Variants in FHIT observed in about 807,000 individuals in gnomAD.
FHIT encodes the protein fragile histidine triad diadenosine triphosphatase, also known as bis(5'-adenosyl)-triphosphatase.
In FHIT, 19 loss-of-function variants were observed where a neutral mutation model predicts 17.9. The ratio of observed to expected loss-of-function variants is 1.06; its 90% CI spans 0.74 to 1.56. The LOEUF is 1.56. FHIT is among the 40% of genes most tolerant of loss of function. The pLI is 0.00. For missense variants in FHIT, 248 were observed against 189.2 expected, an observed-to-expected ratio of 1.31 and a Z score of -1.82; for synonymous variants, 81 against 69.7, an observed-to-expected ratio of 1.16 and a Z score of -0.81.
intron 8 of FHIT, among the ~76,000 whole-genome samples, chr3:59,858,292 T>C (rs527972557): frequency 7.0e-6 from 1 of 143,636 alleles, no homozygotes; most frequent in East Asian, 2.1e-4. Flanking sequence ...AGTGGAGCGA[T>C]CTCGGCTCAC....
chr3:60,755,563 C>T lies in FHIT; in HGVS notation c.-18+66356G>A, dbSNP rs139183347. Among the ~76,000 whole-genome samples the T allele has an allele frequency of 2.6e-4, 39 of 152,250 alleles. No individual in the cohort carries two copies. The East Asian group carries it at 6.4e-3, about 25-fold the overall frequency. On this transcript the variant is annotated intron_variant, in intron 4 of 9. Transcript: ENST00000492590. ...TGACTGATAAATGACAAGCTTGTGC[C>T]ATTTATCAGCAAGTGTTTGCTATTT...
intron 8 of FHIT, among the ~76,000 whole-genome samples, chr3:59,859,246 T>A (rs1361738436): frequency 3.3e-5 from 5 of 152,158 alleles, no homozygotes; most frequent in Non-Finnish European, 7.3e-5. Flanking sequence ...TCTGATGTGA[T>A]ATGCTGAGAA....
At chr3:59,807,779 G>A (rs572475458) in intron 8 of FHIT, among the ~76,000 whole-genome samples, 17 of 152,184 alleles carry the variant, frequency 1.1e-4, no homozygotes, top group African/African-American at 3.4e-4. Flanking sequence ...GTGGGGGTGC[G>A]TGATGGTTTC....
At chr3:60,421,426 A>G (rs1408933053) in intron 5 of FHIT, among the ~76,000 whole-genome samples, 1 of 152,134 alleles carries the variant, frequency 6.6e-6, no homozygotes, top group Non-Finnish European at 1.5e-5. Context: ...AATAGCACAG[A>G]TGTTTTCAGA....
At chr3:60,601,852 A>G (rs1442756402) in intron 4 of FHIT, among the ~76,000 whole-genome samples, 1 of 152,218 alleles carries the variant, frequency 6.6e-6, no homozygotes, top group African/African-American at 2.4e-5. Context: ...TTTGAAAAGG[A>G]AATTCCAGAG....
chr3:60,522,925 G>T (rs1164380118), intron 5 of FHIT, among the ~76,000 whole-genome samples: 1 of 152,132 alleles, frequency 6.6e-6, no homozygotes, highest in Non-Finnish European at 1.5e-5. Context: ...AAGAAAAAGA[G>T]GTTTAATAGA....
chr3:61,218,826 T>C (rs2039756978), intron 1 of FHIT, among the ~76,000 whole-genome samples: 1 of 152,348 alleles, frequency 6.6e-6, no homozygotes, highest in South Asian at 2.1e-4. Flanking sequence ...ATAAAATGTA[T>C]GGCCTTTATT....
intron 5 of FHIT, among the ~76,000 whole-genome samples, chr3:60,524,485 A>C (rs890292740): frequency 6.6e-6 from 1 of 152,158 alleles, no homozygotes; most frequent in African/African-American, 2.4e-5. Flanking sequence ...AATGTTAAAC[A>C]AACAACAAGG....
chr3:60,873,810 G>A (rs1553755654), intron 3 of FHIT, among the ~76,000 whole-genome samples: 1 of 152,148 alleles, frequency 6.6e-6, no homozygotes, highest in African/African-American at 2.4e-5. Flanking sequence ...ATTTCAGAGA[G>A]TATGTTTCAA....
intron 4 of FHIT, among the ~76,000 whole-genome samples, chr3:60,682,525 C>G (rs561421682): frequency 1.3e-5 from 2 of 152,166 alleles, no homozygotes; most frequent in Non-Finnish European, 2.9e-5. Flanking sequence ...AACAGGAAAG[C>G]CTAGATGACA....
chr3:60,340,293 C>T lies in FHIT; in HGVS notation c.103+196567G>A, dbSNP rs113799321. On this transcript the variant is annotated intron_variant, in intron 5 of 9. Coordinates refer to ENST00000492590, the MANE Select transcript of FHIT (RefSeq NM_002012.4). ...GTCACATTTTTATATAAATAGGAAG[C>T]GAGAAGAAAAACATATGGCTTTCTT... is the stretch of plus-strand genomic sequence containing the variant. 5.1e-3 allele frequency among the ~76,000 whole-genome samples: 775 copies of T among 152,158 alleles called. 7 individuals are homozygous for T. The highest frequency in any genetic ancestry group is 0.017 in the African/African-American group (714 of 41,526).
intron 1 of FHIT, among the ~76,000 whole-genome samples, chr3:61,221,323 G>A (rs907658552): frequency 1.3e-5 from 2 of 152,214 alleles, no homozygotes; most frequent in East Asian, 3.8e-4. Flanking sequence ...CAATAGCACA[G>A]GTCCTCTCCC....
chr3:61,026,279 G>A lies in FHIT; in HGVS notation c.-111+15768C>T, dbSNP rs1049071317. On this transcript the variant is annotated intron_variant, in intron 3 of 9. Coordinates refer to ENST00000492590, the MANE Select transcript of FHIT (RefSeq NM_002012.4). Reference sequence around the variant, plus strand: ...CCTCTCATTTCTGCTTTCCTTAGCAGAAGCCAAGAGTGTTTGGGGGGCCTA... The same window carrying A: ...CCTCTCATTTCTGCTTTCCTTAGCAAAAGCCAAGAGTGTTTGGGGGGCCTA... Among the ~76,000 whole-genome samples the A allele has an allele frequency of 6.6e-5, 10 of 152,116 alleles. No individual in the cohort carries two copies. In the South Asian group the frequency reaches 8.3e-4, roughly 13 times the overall value.
chr3:59,925,101 C>G (rs1192516024), intron 7 of FHIT, among the ~76,000 whole-genome samples: 1 of 149,098 alleles, frequency 6.7e-6, no homozygotes, highest in Non-Finnish European at 1.5e-5. Context: ...TTTTTCCCTT[C>G]CTTTCCTTCT....
intron 5 of FHIT, among the ~76,000 whole-genome samples, chr3:60,232,395 C>G (rs1375702460): frequency 1.3e-5 from 2 of 152,116 alleles, no homozygotes; most frequent in East Asian, 1.9e-4. Context: ...ATTATCTTAT[C>G]CCCCTTAACA....
At chr3:60,584,758 C>T (rs1480146326) in intron 4 of FHIT, among the ~76,000 whole-genome samples, 1 of 152,038 alleles carries the variant, frequency 6.6e-6, no homozygotes, top group Admixed American at 6.6e-5. Context: ...ACTTCTGCAT[C>T]ATGCTAATTA....
intron 3 of FHIT, among the ~76,000 whole-genome samples, chr3:61,038,677 G>A (rs1216565045): frequency 6.6e-6 from 1 of 152,144 alleles, no homozygotes; most frequent in Admixed American, 6.5e-5. Flanking sequence ...TCAGAGTAAA[G>A]TGAAGTGATG....
At position 60,466,797 on chromosome 3, in the gene FHIT, A is replaced by T. The variant is rs572241918; in HGVS notation, c.103+70063T>A. On this transcript the variant is annotated intron_variant, in intron 5 of 9. Coordinates refer to ENST00000492590, the MANE Select transcript of FHIT (RefSeq NM_002012.4). Reference sequence around the variant, plus strand: ...TATTTTGTTGAGGATTTTTGCATCTATATTCATCAGGGTTACTTGCCTGCA... The same window carrying T: ...TATTTTGTTGAGGATTTTTGCATCTTTATTCATCAGGGTTACTTGCCTGCA... Among the ~76,000 whole-genome samples the T allele has an allele frequency of 2.9e-4, 41 of 139,824 alleles. 3 individuals carry two copies. The South Asian group carries it at 6.7e-3, about 23-fold the overall frequency. The allele number at this position is 139,824 out of a possible 152,430, so 91.7% of individuals were successfully genotyped here.
chr3:60,645,356 C>A (rs149998712), intron 4 of FHIT, among the ~76,000 whole-genome samples: 63 of 152,292 alleles, frequency 4.1e-4, no homozygotes, highest in African/African-American at 1.5e-3. Context: ...GGGTGAGTCT[C>A]AAATGCATGG....
Sources: gnomAD v4.1 joint callset for allele counts (sites outside exome capture counted in the v4.1 genomes callset) on GRCh38, gnomAD v4.1.1 for gene constraint, MANE v1.5 for transcripts, NCBI Gene and HGNC (gene_info 2026-07-23, HGNC 2026-07-21) for gene names.